Variants in UBE2E1 observed in about 807,000 individuals in gnomAD.
UBE2E1 encodes the protein ubiquitin-conjugating enzyme E2 E1.
A neutral mutation model predicts 21.4 loss-of-function variants in UBE2E1; 6 were observed. That is an observed-to-expected ratio of 0.28 (90% CI 0.15 to 0.55). The LOEUF (loss-of-function observed/expected upper bound fraction) is 0.55. UBE2E1 is among the 20% of genes least tolerant of loss of function. The pLI, the probability that UBE2E1 is intolerant of heterozygous loss-of-function variation, is 0.93. For missense variants in UBE2E1, 142 were observed against 236.5 expected, an observed-to-expected ratio of 0.60 and a Z score of 2.62; for synonymous variants, 87 against 82.7, an observed-to-expected ratio of 1.05 and a Z score of -0.28.
chr3:23,887,641 G>A lies in UBE2E1; in HGVS notation c.278G>A (p.Gly93Asp). 1 of 1,614,018 alleles carries A rather than the reference G, an allele frequency of 6.2e-7. No homozygotes were observed. The highest frequency in any genetic ancestry group is 2.2e-5 in the East Asian group (1 of 44,868). The change falls in exon 4 of 6, where the codon GGT becomes GAT. Residue 93 changes from glycine (G) to aspartate (D), a missense_variant. Physicochemically the swap from Gly to Asp is moderately conservative, Grantham distance 94 (BLOSUM62 -1). Around this residue, in one of 2 missense-constraint regions of UBE2E1, gnomAD observed 87 missense variants for 184.9 expected, o/e 0.47. Transcript: ENST00000306627. This position sits in a 1 kb window ranked among gnomAD's most constrained non-coding sequence, Gnocchi z 4.4. ...ILGPPGSVYE[G>D]GVFFLDITFT... ...GGGCCTCCAGGATCCGTGTATGAGG[G>A]TGGTGTATTCTTTCTCGATATCACT...
intron 3 of UBE2E1, among the ~76,000 whole-genome samples, chr3:23,871,396 A>C (rs931728671): frequency 0.031 from 303 of 9,666 alleles, 5 homozygotes; most frequent in African/African-American, 0.051. Context: ...TGACCCCCCC[A>C]CACCTCCCTC....
intron 3 of UBE2E1, among the ~76,000 whole-genome samples, chr3:23,815,065 T>A (rs1699485652): frequency 6.6e-6 from 1 of 152,144 alleles, no homozygotes; most frequent in African/African-American, 2.4e-5. Flanking sequence ...ACTGCAGCCT[T>A]GACCTCCTGG....
rs550991562 is a variant in UBE2E1 at position 23,810,887 on chromosome 3, C to A, written c.153-573C>A. On this transcript the variant is annotated intron_variant, in intron 2 of 5. Transcript: ENST00000306627. The surrounding 1 kb of genome is among the most constrained non-coding windows in gnomAD (Gnocchi z 5.8). ...TCTGGGCCTCCCGGGCACCCCGCCA[C>A]GGCTGGCAGGTCACTCGGGCCCGAG... is the stretch of plus-strand genomic sequence containing the variant. The A allele has an allele frequency of 1.2e-5, 2 of 160,394 alleles. No individual in the cohort carries two copies. Among genetic ancestry groups the A allele is most frequent in the South Asian group, 4.1e-4 (2 of 4,904 alleles). 9.9% of individuals were successfully genotyped at this position (160,394 alleles called of 1,614,324 possible).
At position 23,886,846 on chromosome 3, in the gene UBE2E1, G is replaced by C. The variant is rs1037243429; in HGVS notation, c.204-721G>C. On this transcript the variant is annotated intron_variant, in intron 3 of 5. Transcript: ENST00000306627. ...TAAAAGAGTAGTTTTGCTGGGTGCG[G>C]TGGCACTCTAGAAGCCAACACAATG... Among the ~76,000 whole-genome samples, 6 of 152,302 alleles carry C rather than the reference G, an allele frequency of 3.9e-5. 1 individual carries two copies. The highest frequency in any genetic ancestry group is 6.5e-5 in the Admixed American group (1 of 15,302).
At chr3:23,813,833 A>G (rs1372588366) in intron 3 of UBE2E1, among the ~76,000 whole-genome samples, 1 of 152,180 alleles carries the variant, frequency 6.6e-6, no homozygotes, top group Non-Finnish European at 1.5e-5. Flanking sequence ...GAGCCACTGC[A>G]CCTGGCCTTG....
intron 3 of UBE2E1, among the ~76,000 whole-genome samples, chr3:23,871,236 A>T (rs1476911157): frequency 7.0e-6 from 1 of 143,010 alleles, no homozygotes; most frequent in African/African-American, 2.7e-5. Context: ...GGGGCTCCTC[A>T]CTTCCCAGTA....
chr3:23,886,751 T>C (rs911274882), intron 3 of UBE2E1, among the ~76,000 whole-genome samples: 2 of 152,230 alleles, frequency 1.3e-5, no homozygotes, highest in Non-Finnish European at 2.9e-5. Context: ...CCCTGACATT[T>C]AACCCTCTGC....
At chr3:23,874,397 G>A (rs1386531648) in intron 3 of UBE2E1, among the ~76,000 whole-genome samples, 3 of 152,088 alleles carry the variant, frequency 2.0e-5, no homozygotes, top group African/African-American at 4.8e-5. Context: ...TCTCACTTAT[G>A]CACAATATAG....
intron 2 of UBE2E1, among the ~76,000 whole-genome samples, chr3:23,809,508 G>A (rs1157490964): frequency 2.6e-5 from 4 of 152,144 alleles, no homozygotes; most frequent in Non-Finnish European, 5.9e-5. Context: ...CATTGCAAGT[G>A]GTCTGAACAA....
intron 3 of UBE2E1, among the ~76,000 whole-genome samples, chr3:23,848,725 G>A (rs1700261910): frequency 6.6e-6 from 1 of 152,198 alleles, no homozygotes; most frequent in Non-Finnish European, 1.5e-5. Flanking sequence ...AGAATATAGA[G>A]AGATTAGGAA....
At chr3:23,866,880 C>T (rs552231183) in intron 3 of UBE2E1, among the ~76,000 whole-genome samples, 2 of 152,304 alleles carry the variant, frequency 1.3e-5, no homozygotes, top group Non-Finnish European at 2.9e-5. Flanking sequence ...GTAGGAAAGG[C>T]AGACCAGTAA....
chr3:23,883,322 T>G (rs560652282), intron 3 of UBE2E1, among the ~76,000 whole-genome samples: 3 of 152,240 alleles, frequency 2.0e-5, no homozygotes, highest in South Asian at 4.1e-4. Context: ...TGGTCAGTCA[T>G]TTTATCGAGA....
chr3:23,819,284 AAAAT>A lies in UBE2E1; in HGVS notation c.203+7799_203+7802del, dbSNP rs535287414. On this transcript the variant is annotated intron_variant, in intron 3 of 5. Coordinates refer to ENST00000306627, the MANE Select transcript of UBE2E1 (RefSeq NM_003341.5). Reference sequence around the variant, plus strand: ...GGGTGACAGAGCGAGACGCCATCTCAAAATAAATAAATAAATAAATAAATAAATT... The same window carrying A: ...GGGTGACAGAGCGAGACGCCATCTCAAAATAAATAAATAAATAAATAAATT... 4.0e-5 allele frequency among the ~76,000 whole-genome samples: 6 copies of A among 151,894 alleles called. No individual in the cohort carries two copies. In the East Asian group the frequency reaches 5.8e-4, roughly 15 times the overall value.
chr3:23,808,842 C>G lies in UBE2E1; in HGVS notation c.152+1421C>G, dbSNP rs1699329082. ...GCCCCACCTCAATCCTCTAGGCTCT[C>G]TGATCCTCATTCACGTTTTGGCCTC... On this transcript the variant is annotated intron_variant, in intron 2 of 5. Transcript: ENST00000306627. The surrounding 1 kb of genome is among the most constrained non-coding windows in gnomAD (Gnocchi z 4.9). 6.6e-6 allele frequency: 1 copy of G among 152,234 alleles called. No homozygotes were observed. The highest frequency in any genetic ancestry group is 1.5e-5 in the Non-Finnish European group (1 of 68,046). The allele number at this position is 152,234 out of a possible 1,614,324, so 9.4% of individuals were successfully genotyped here.
chr3:23,818,774 T>C (rs567832211), intron 3 of UBE2E1, among the ~76,000 whole-genome samples: 15 of 152,172 alleles, frequency 9.9e-5, no homozygotes, highest in African/African-American at 3.6e-4. Context: ...TTGCTGAGAT[T>C]GGAGGAGGAA....
At chr3:23,851,339 C>T (rs115187500) in intron 3 of UBE2E1, among the ~76,000 whole-genome samples, 1 of 152,132 alleles carries the variant, frequency 6.6e-6, no homozygotes, top group Non-Finnish European at 1.5e-5. Flanking sequence ...CCTCTAGCTT[C>T]GTTCTTTTTA....
intron 3 of UBE2E1, among the ~76,000 whole-genome samples, chr3:23,825,021 C>A (rs1319913093): frequency 6.6e-6 from 1 of 152,164 alleles, no homozygotes; most frequent in Non-Finnish European, 1.5e-5. Flanking sequence ...TATACGAAAC[C>A]TTGTAGGATT....
chr3:23,851,197 A>C (rs1700317971), intron 3 of UBE2E1, among the ~76,000 whole-genome samples: 1 of 152,102 alleles, frequency 6.6e-6, no homozygotes. Context: ...AAATCAATTT[A>C]CCTGTAAATG....
chr3:23,837,701 G>A lies in UBE2E1; in HGVS notation c.203+26191G>A, dbSNP rs892329301. Among the ~76,000 whole-genome samples the A allele has an allele frequency of 2.0e-5, 3 of 152,146 alleles. No individual in the cohort carries two copies. In the South Asian group the frequency reaches 6.2e-4, roughly 31 times the overall value. The stretch of plus-strand genomic sequence containing the variant: ...TTTCTTTGGTTGGCTGATTGGTTTT[G>A]GTGTTTTGTTTTTTAGAGGACTAGC... On this transcript the variant is annotated intron_variant, in intron 3 of 5. Coordinates refer to ENST00000306627, the MANE Select transcript of UBE2E1 (RefSeq NM_003341.5).
Sources: gnomAD v4.1 joint callset for allele counts (sites outside exome capture counted in the v4.1 genomes callset) on GRCh38, gnomAD v4.1.1 for gene constraint, gnomAD v4.1.1 regional missense constraint, Gnocchi (gnomAD v3.1) non-coding constraint, MANE v1.5 for transcripts, NCBI Gene and HGNC (gene_info 2026-07-23, HGNC 2026-07-21) for gene names.